Variants in CSMD1 observed in about 807,000 individuals in gnomAD.
The protein encoded by CSMD1 is CUB and sushi domain-containing protein 1.
In CSMD1, 213 loss-of-function variants were observed where a neutral mutation model predicts 417.5. The observed-to-expected ratio is 0.51, with a 90% CI of 0.46 to 0.57. CSMD1 has a LOEUF of 0.57. CSMD1 is among the 20% of genes least tolerant of loss of function. The pLI is 0.00. For missense variants in CSMD1, 6,923 were observed against 4,529.7 expected, an observed-to-expected ratio of 1.53 and a Z score of -15.17; for synonymous variants, 2,862 against 1,736.8, an observed-to-expected ratio of 1.65 and a Z score of -16.11.
chr8:4,319,663 C>G (rs752866807), intron 3 of CSMD1, among the ~76,000 whole-genome samples: 1 of 151,854 alleles, frequency 6.6e-6, no homozygotes, highest in Admixed American at 6.6e-5. Context: ...GAAAGAGAGG[C>G]CAGGGAACAG....
chr8:3,945,988 T>A (rs1811197639), intron 5 of CSMD1, among the ~76,000 whole-genome samples: 1 of 152,172 alleles, frequency 6.6e-6, no homozygotes, highest in Non-Finnish European at 1.5e-5. Context: ...CCAGACCGTA[T>A]TTAAAGCACT....
intron 6 of CSMD1, among the ~76,000 whole-genome samples, chr8:3,730,442 G>C (rs1026413312): frequency 6.8e-6 from 1 of 147,218 alleles, no homozygotes; most frequent in African/African-American, 2.5e-5. Flanking sequence ...GGTTAGCAGA[G>C]CAAAGACTGC....
chr8:4,451,043 G>A (rs910273312), intron 2 of CSMD1, among the ~76,000 whole-genome samples: 1 of 152,060 alleles, frequency 6.6e-6, no homozygotes, highest in Non-Finnish European at 1.5e-5. Context: ...GGAATTTAGT[G>A]AATTCTGCAC....
At chr8:4,018,624 C>T (rs927057048) in intron 4 of CSMD1, among the ~76,000 whole-genome samples, 1 of 152,232 alleles carries the variant, frequency 6.6e-6, no homozygotes, top group African/African-American at 2.4e-5. Context: ...AGGATTCAAG[C>T]ACATGTTTCT....
chr8:3,876,691 C>T (rs1585126812), intron 5 of CSMD1, among the ~76,000 whole-genome samples: 1 of 152,198 alleles, frequency 6.6e-6, no homozygotes, highest in South Asian at 2.1e-4. Context: ...CGCACTGTAG[C>T]CTTGACTTCC....
intron 5 of CSMD1, among the ~76,000 whole-genome samples, chr8:3,984,753 T>G (rs2688389): frequency 1.4e-4 from 8 of 58,418 alleles, no homozygotes; most frequent in East Asian, 4.3e-4. Context: ...ATATATATAT[T>G]TGTATGTATT....
At chr8:3,483,974 A>T (rs1403928299) in intron 11 of CSMD1, among the ~76,000 whole-genome samples, 2 of 152,236 alleles carry the variant, frequency 1.3e-5, no homozygotes, top group Non-Finnish European at 2.9e-5. Flanking sequence ...TTAACATAGT[A>T]AATATGTCAA....
intron 35 of CSMD1, 57 bp from the exon 36 acceptor site, chr8:3,188,022 A>C (rs1374212515): frequency 4.4e-6 from 6 of 1,378,932 alleles, no homozygotes; most frequent in East Asian, 4.9e-5. Flanking sequence ...AATTAGTCTA[A>C]TTAGATGGGG....
chr8:3,281,768 T>G (rs1802757122), intron 26 of CSMD1, among the ~76,000 whole-genome samples: 1 of 152,174 alleles, frequency 6.6e-6, no homozygotes, highest in African/African-American at 2.4e-5. Context: ...TTTTCCAAAC[T>G]CATTGATATG....
intron 16 of CSMD1, among the ~76,000 whole-genome samples, chr8:3,396,627 G>A (rs774044816): frequency 3.3e-5 from 5 of 152,046 alleles, no homozygotes; most frequent in South Asian, 2.1e-4. Flanking sequence ...AGACACAAGA[G>A]GAGGCCTTTA....
chr8:4,179,148 G>A (rs908079242), intron 3 of CSMD1, among the ~76,000 whole-genome samples: 8 of 152,252 alleles, frequency 5.3e-5, no homozygotes, highest in African/African-American at 1.9e-4. Context: ...GAAGAAAGCT[G>A]GAGGCATCAC....
chr8:3,205,645 T>C (rs760060491), intron 30 of CSMD1, 25 bp from the exon 31 acceptor site: 1 of 1,200,964 alleles, frequency 8.3e-7, no homozygotes, highest in Non-Finnish European at 1.2e-6. Context: ...AACCGAGAAT[T>C]AGTCGCTGTG....
intron 2 of CSMD1, among the ~76,000 whole-genome samples, chr8:4,466,446 T>C (rs1563206058): frequency 6.6e-6 from 1 of 151,422 alleles, no homozygotes; most frequent in Admixed American, 6.5e-5. Context: ...AATGAGTATA[T>C]ATATACTCAA....
At chr8:3,655,035 A>C (rs953778261) in intron 7 of CSMD1, among the ~76,000 whole-genome samples, 3 of 152,230 alleles carry the variant, frequency 2.0e-5, no homozygotes, top group Non-Finnish European at 4.4e-5. Context: ...ATTTAATTAA[A>C]ATATATCAGT....
At chr8:4,149,694 G>A (rs1337648620) in intron 3 of CSMD1, among the ~76,000 whole-genome samples, 3 of 152,192 alleles carry the variant, frequency 2.0e-5, no homozygotes, top group Non-Finnish European at 2.9e-5. Context: ...AAACAATGCT[G>A]AGTGATGCTG....
intron 4 of CSMD1, among the ~76,000 whole-genome samples, chr8:4,018,018 C>A (rs897759847): frequency 1.3e-5 from 2 of 152,150 alleles, no homozygotes; most frequent in African/African-American, 2.4e-5. Flanking sequence ...GGTTTGTCCA[C>A]TCGTAACTGT....
At chr8:4,622,172 TAA>T (rs397969991) in intron 2 of CSMD1, among the ~76,000 whole-genome samples, 8 of 131,542 alleles carry the variant, frequency 6.1e-5, no homozygotes, top group Admixed American at 7.7e-5. Context: ...TAAAGAGAAT[TAA>T]AAAAAAAAAA....
intron 10 of CSMD1, among the ~76,000 whole-genome samples, chr8:3,574,093 C>T (rs761698661): frequency 6.6e-6 from 1 of 151,906 alleles, no homozygotes; most frequent in Non-Finnish European, 1.5e-5. Flanking sequence ...ACAGTATTAC[C>T]CTCTATTACT....
intron 3 of CSMD1, among the ~76,000 whole-genome samples, chr8:4,161,817 T>C (rs1332189256): frequency 6.6e-6 from 1 of 152,242 alleles, no homozygotes; most frequent in Non-Finnish European, 1.5e-5. Context: ...TTTTTCATAA[T>C]CTGCTATATG....
Sources: allele counts gnomAD v4.1 joint callset (sites outside exome capture counted in the v4.1 genomes callset), GRCh38; gene constraint gnomAD v4.1.1; transcripts MANE v1.5; gene names NCBI Gene and HGNC (gene_info 2026-07-23, HGNC 2026-07-21).